Variants in HTT observed in about 807,000 individuals in gnomAD.
The protein encoded by HTT is huntington disease protein.
In HTT, 104 loss-of-function variants were observed where a neutral mutation model predicts 362.3. That is an observed-to-expected ratio of 0.29 (90% CI 0.24 to 0.34). The LOEUF (loss-of-function observed/expected upper bound fraction) is 0.34. Among genes scored for constraint, HTT ranks in the 10% least tolerant of loss-of-function variants. The pLI, the probability that HTT is intolerant of heterozygous loss-of-function variation, is 1.00. For missense variants in HTT, 3,301 were observed against 3,928.6 expected, an observed-to-expected ratio of 0.84 and a Z score of 4.27; for synonymous variants, 1,577 against 1,548.7, an observed-to-expected ratio of 1.02 and a Z score of -0.43.
rs1165319028 is a variant in HTT at position 3,228,367 on chromosome 4, T to G, written c.7849-248T>G. On this transcript the variant is annotated intron_variant, in intron 57 of 66. Coordinates refer to ENST00000355072, the MANE Select transcript of HTT (RefSeq NM_001388492.1). This position sits in a 1 kb window ranked among gnomAD's most constrained non-coding sequence, Gnocchi z 4.3. Reference sequence around the variant, plus strand: ...CTCTTTCTGTGTCACCCTCCTCAGCTGCTCCTGGGGTTGACTGGCCCCTGA... The same window carrying G: ...CTCTTTCTGTGTCACCCTCCTCAGCGGCTCCTGGGGTTGACTGGCCCCTGA... Among the ~76,000 whole-genome samples, 1 of 152,194 alleles carries G rather than the reference T, an allele frequency of 6.6e-6. No individual in the cohort carries two copies. The highest frequency in any genetic ancestry group is 2.4e-5 in the African/African-American group (1 of 41,444).
At chr4:3,084,711 A>C (rs1278603583) in intron 1 of HTT, among the ~76,000 whole-genome samples, 1 of 149,020 alleles carries the variant, frequency 6.7e-6, no homozygotes, top group African/African-American at 2.5e-5. Flanking sequence ...AACCAAGATC[A>C]ATTAAAATAC....
At chr4:3,237,734 C>T (rs113825267) in intron 64 of HTT, among the ~76,000 whole-genome samples, 18 of 152,234 alleles carry the variant, frequency 1.2e-4, no homozygotes, top group African/African-American at 4.3e-4. Context: ...AGCTGCTTCC[C>T]GTGTGTCTCA....
intron 60 of HTT, among the ~76,000 whole-genome samples, chr4:3,231,337 A>AT (rs34905086): frequency 2.4e-4 from 35 of 146,904 alleles, no homozygotes; most frequent in South Asian, 1.7e-3. Context: ...ACGGTGAATG[A>AT]TTTTTTTTTT....
chr4:3,230,108 G>C (rs183472209), intron 60 of HTT, 66 bp downstream of exon 60: 10 of 1,431,140 alleles, frequency 7.0e-6, no homozygotes, highest in Non-Finnish European at 7.9e-6. Context: ...CTTGGGACCT[G>C]GTGTTGGCCA....
intron 36 of HTT, among the ~76,000 whole-genome samples, chr4:3,181,267 G>A (rs1056587739): frequency 2.0e-5 from 3 of 152,132 alleles, no homozygotes; most frequent in African/African-American, 7.2e-5. Flanking sequence ...AGATAGTGAG[G>A]CCCTCTTTTC....
intron 46 of HTT, 68 bp downstream of exon 46, chr4:3,208,979 C>A: frequency 6.7e-7 from 1 of 1,493,736 alleles, no homozygotes; most frequent in Non-Finnish European, 9.0e-7. Context: ...GTGGCAGATA[C>A]AGAGAGTGCA....
intron 29 of HTT, among the ~76,000 whole-genome samples, chr4:3,164,616 C>T (rs964730713): frequency 1.3e-5 from 2 of 152,074 alleles, no homozygotes; most frequent in Non-Finnish European, 2.9e-5. Context: ...GTATTGGGGG[C>T]GTGTATATTT....
At chr4:3,223,242 G>A (rs567168255) in intron 54 of HTT, among the ~76,000 whole-genome samples, 164 bp from the exon 55 acceptor site, 5 of 152,356 alleles carry the variant, frequency 3.3e-5, no homozygotes, top group Middle Eastern at 3.4e-3. Context: ...CCGTGTGTGC[G>A]GAGGCCCTGC....
rs186140447 is a variant in HTT, at chr4:3,218,408, G to A, written c.7242+456G>A. 1.4e-4 allele frequency among the ~76,000 whole-genome samples: 21 copies of A among 152,232 alleles called. No individual in the cohort carries two copies. The highest frequency in any genetic ancestry group is 1.0e-3 in the Admixed American group (16 of 15,296). On this transcript the variant is annotated intron_variant, in intron 52 of 66. Coordinates refer to ENST00000355072, the MANE Select transcript of HTT (RefSeq NM_001388492.1). The surrounding 1 kb of genome is among the most constrained non-coding windows in gnomAD (Gnocchi z 4.4). ...AGCACTTTGGGAAGCCAAGGTGGGC[G>A]GATCACTTGAGGTCAGGATTTCGAG...
At chr4:3,186,542 A>G in intron 37 of HTT, 55 bp from the exon 38 acceptor site, 1 of 1,595,288 alleles carries the variant, frequency 6.3e-7, no homozygotes, top group Non-Finnish European at 8.6e-7. Context: ...GGTGTACAGG[A>G]AGCTGTCGTT....
At chr4:3,196,918 G>C (rs1405646182) in intron 40 of HTT, among the ~76,000 whole-genome samples, 1 of 152,110 alleles carries the variant, frequency 6.6e-6, no homozygotes, top group Non-Finnish European at 1.5e-5. Context: ...CCCTCCCTCT[G>C]TGTACACTCC....
intron 25 of HTT, 114 bp from the exon 26 acceptor site, chr4:3,147,891 C>T (rs1275441687): frequency 4.0e-6 from 3 of 749,274 alleles, no homozygotes; most frequent in African/African-American, 3.5e-5. Flanking sequence ...GAATATCAGG[C>T]ACAGATGTCT....
chr4:3,076,866 T>C (rs1483445722), intron 1 of HTT, among the ~76,000 whole-genome samples: 3 of 152,236 alleles, frequency 2.0e-5, no homozygotes, highest in African/African-American at 7.2e-5. Context: ...TAAGGTAATA[T>C]ATGATTACCT....
At chr4:3,201,640 A>G (rs977446289) in intron 41 of HTT, among the ~76,000 whole-genome samples, 1 of 152,140 alleles carries the variant, frequency 6.6e-6, no homozygotes, top group Non-Finnish European at 1.5e-5. Context: ...AATTAAGATA[A>G]TATGTAACAA....
At chr4:3,159,455 A>G (rs1717330453) in intron 28 of HTT, among the ~76,000 whole-genome samples, 1 of 152,204 alleles carries the variant, frequency 6.6e-6, no homozygotes, top group Admixed American at 6.5e-5. Context: ...TGACATCACC[A>G]CATCACCTCG....
At chr4:3,146,404 A>G (rs1012316925) in intron 24 of HTT, among the ~76,000 whole-genome samples, 1 of 152,138 alleles carries the variant, frequency 6.6e-6, no homozygotes, top group Non-Finnish European at 1.5e-5. Context: ...CAAGTACACT[A>G]TTTTTCCATA....
In HTT at chr4:3,228,689, GGA is replaced by G; in HGVS notation, c.7925_7926del (p.Glu2642GlyfsTer25). 6.2e-7 allele frequency: 1 copy of G among 1,610,864 alleles called. No homozygotes were observed. Among genetic ancestry groups the G allele is most frequent in the Non-Finnish European group, 8.5e-7 (1 of 1,178,100 alleles). On this transcript the variant is annotated frameshift_variant, in exon 58 of 67. Coordinates refer to ENST00000355072, the MANE Select transcript of HTT (RefSeq NM_001388492.1). LOFTEE classifies it high-confidence loss of function. The surrounding 1 kb of genome is among the most constrained non-coding windows in gnomAD (Gnocchi z 4.3). Reference protein sequence around the residue: ...REEEWDEEEEEEADAPAPSSP... With the variant: ...REEEWDEEEEXEADAPAPSSP... Reference sequence around the variant, plus strand: ...AGGAGGAATGGGACGAGGAAGAGGAGGAGGAGGCCGACGCCCCTGCACCTTCG... The same window carrying G: ...AGGAGGAATGGGACGAGGAAGAGGAGGGAGGCCGACGCCCCTGCACCTTCG...
intron 60 of HTT, among the ~76,000 whole-genome samples, chr4:3,231,448 C>T (rs887297819): frequency 1.6e-4 from 24 of 152,146 alleles, no homozygotes; most frequent in Non-Finnish European, 2.8e-4. Flanking sequence ...CGGCCAAGGT[C>T]AGAGGTTAGC....
At chr4:3,212,235 A>G (rs1720193390) in intron 48 of HTT, 93 bp downstream of exon 48, 1 of 965,550 alleles carries the variant, frequency 1.0e-6, no homozygotes, top group Non-Finnish European at 1.5e-6. Flanking sequence ...AAGGCAGTGG[A>G]TCTAATACAT....
Sources: allele counts gnomAD v4.1 joint callset (sites outside exome capture counted in the v4.1 genomes callset), GRCh38; gene constraint gnomAD v4.1.1; non-coding constraint Gnocchi (gnomAD v3.1); transcripts MANE v1.5; gene names NCBI Gene and HGNC (gene_info 2026-07-23, HGNC 2026-07-21).